The following CEP128 variants were observed in gnomAD, a reference collection of about 807,000 sequenced individuals.
CEP128 encodes centrosomal protein 128.
In CEP128, 132 loss-of-function variants were observed where a neutral mutation model predicts 156.7. That is an observed-to-expected ratio of 0.84 (90% confidence interval 0.73 to 0.97). The LOEUF (loss-of-function observed/expected upper bound fraction) is 0.97. CEP128 is among the 50% of genes least tolerant of loss of function. The probability of loss-of-function intolerance (pLI) is 0.00; values close to 1 mark genes in which losing one functional copy is unlikely to be tolerated. For synonymous variants in CEP128, 469 were observed against 448.9 expected, an observed-to-expected ratio of 1.04 and a Z score of -0.57; for missense variants, 1,252 against 1,281.9, an observed-to-expected ratio of 0.98 and a Z score of 0.36.
At chr14:80,554,320 G>T (rs191067184) in intron 21 of CEP128, among the ~76,000 whole-genome samples, 157 of 152,178 alleles carry the variant, frequency 1.0e-3, no homozygotes, top group African/African-American at 3.7e-3. Context: ...ATGACTAAGG[G>T]TCTAAATTCC....
chr14:80,761,525 G>T lies in CEP128; in HGVS notation c.2465C>A (p.Thr822Asn). Residue 822 changes from threonine (T) to asparagine (N), a missense_variant, in exon 17 of 25, where the codon ACT (threonine) becomes AAT (asparagine). Transcript: ENST00000555265. ...CACACCAAGAATGGATTCCTGTTCA[G>T]TCTCCAAGCAAAGAAGTTGATCCTT... ...QLKDQLLCLE[T>N]EQESILGVIG... 1 of 1,612,616 alleles carries T rather than the reference G, an allele frequency of 6.2e-7. No homozygotes were observed. The highest frequency in any genetic ancestry group is 8.5e-7 in the Non-Finnish European group (1 of 1,178,938).
In CEP128 at chr14:80,755,733, T is replaced by C. The variant is rs562711742; in HGVS notation, c.2613+1159A>G. ...TACTTATAGAGCTGTCCAGTCATAG[T>C]TCATGGGAATTATAGTACTGTAGCC... On this transcript the variant is annotated intron_variant, in intron 18 of 24. Coordinates refer to ENST00000555265, the MANE Select transcript of CEP128 (RefSeq NM_152446.5). 2.0e-5 allele frequency among the ~76,000 whole-genome samples: 3 copies of C among 152,326 alleles called. No homozygotes were observed. The East Asian group carries it at 5.8e-4, about 29-fold the overall frequency.
chr14:80,807,444 G>A (rs952203516), intron 13 of CEP128, among the ~76,000 whole-genome samples: 9 of 152,128 alleles, frequency 5.9e-5, no homozygotes, highest in Non-Finnish European at 1.3e-4. Flanking sequence ...ACCTCAAATA[G>A]AACATCGAGG....
chr14:80,676,673 T>C (rs952384830), intron 19 of CEP128, among the ~76,000 whole-genome samples: 1 of 151,672 alleles, frequency 6.6e-6, no homozygotes, highest in Non-Finnish European at 1.5e-5. Context: ...GTTTCAAAGA[T>C]TTTTTTCCCA....
intron 19 of CEP128, among the ~76,000 whole-genome samples, chr14:80,624,135 G>A (rs770629440): frequency 3.3e-5 from 5 of 151,116 alleles, no homozygotes; most frequent in Non-Finnish European, 7.4e-5. Flanking sequence ...ACAAACTCAA[G>A]TTTTTTTTTA....
chr14:80,538,615 A>C (rs77052784), intron 21 of CEP128, among the ~76,000 whole-genome samples: 7,714 of 152,294 alleles, frequency 0.051, 292 homozygotes, highest in Non-Finnish European at 0.076. Flanking sequence ...CTTCGATCCA[A>C]CTTATTTTTG....
At chr14:80,583,970 C>T (rs1891697005) in intron 19 of CEP128, among the ~76,000 whole-genome samples, 1 of 152,004 alleles carries the variant, frequency 6.6e-6, no homozygotes, top group African/African-American at 2.4e-5. Context: ...AGTACAAAGC[C>T]ACTTCTACAG....
At chr14:80,770,319 C>T (rs888835200) in intron 16 of CEP128, among the ~76,000 whole-genome samples, 4 of 152,202 alleles carry the variant, frequency 2.6e-5, no homozygotes, top group African/African-American at 9.6e-5. Context: ...TGTTCTAATT[C>T]AGAAAGTAGA....
intron 2 of CEP128, among the ~76,000 whole-genome samples, chr14:80,952,676 T>C (rs940521239): frequency 4.0e-5 from 6 of 151,068 alleles, no homozygotes; most frequent in Non-Finnish European, 8.9e-5. Flanking sequence ...ATCAATGAAA[T>C]AGAGCACAAA....
intron 4 of CEP128, among the ~76,000 whole-genome samples, chr14:80,906,410 T>C (rs1883888383): frequency 6.6e-6 from 1 of 152,104 alleles, no homozygotes; most frequent in African/African-American, 2.4e-5. Context: ...CGAAGAAACA[T>C]AACAAGGTCA....
In CEP128 at chr14:80,838,195, T is replaced by A; in HGVS notation, c.924+9A>T. 1 of 1,594,854 alleles carries A rather than the reference T, an allele frequency of 6.3e-7. No individual in the cohort carries two copies. The highest frequency in any genetic ancestry group is 8.6e-7 in the Non-Finnish European group (1 of 1,162,904). On this transcript the variant is annotated intron_variant, in intron 11 of 24. Coordinates refer to ENST00000555265, the MANE Select transcript of CEP128 (RefSeq NM_152446.5). Reference sequence around the variant, plus strand: ...TAAAAGTATATTATAATAACTTGCATAGACTTACCTGATGCAAAAGTGTTT... The same window carrying A: ...TAAAAGTATATTATAATAACTTGCAAAGACTTACCTGATGCAAAAGTGTTT...
chr14:80,711,164 T>A (rs1361519918), intron 19 of CEP128, among the ~76,000 whole-genome samples: 1 of 152,104 alleles, frequency 6.6e-6, no homozygotes, highest in Non-Finnish European at 1.5e-5. Flanking sequence ...TATAACACAA[T>A]GAATTCACTT....
chr14:80,769,350 A>C (rs1276882798), intron 16 of CEP128, among the ~76,000 whole-genome samples: 1 of 151,482 alleles, frequency 6.6e-6, no homozygotes, highest in East Asian at 1.9e-4. Flanking sequence ...ACATATGTAT[A>C]CATGTGCCAT....
At chr14:80,892,360 C>T (rs577888986) in intron 8 of CEP128, among the ~76,000 whole-genome samples, 7 of 151,822 alleles carry the variant, frequency 4.6e-5, no homozygotes, top group African/African-American at 1.4e-4. Flanking sequence ...ATTTCACACA[C>T]AAAAGAATCT....
At chr14:80,703,681 G>A (rs76112038) in intron 19 of CEP128, among the ~76,000 whole-genome samples, 6,631 of 152,062 alleles carry the variant, frequency 0.044, 186 homozygotes, top group South Asian at 0.08. Flanking sequence ...TTCTCCCAAT[G>A]GTGCCATTTT....
chr14:80,897,473 T>A (rs1011953142), intron 7 of CEP128, among the ~76,000 whole-genome samples: 2 of 152,154 alleles, frequency 1.3e-5, no homozygotes, highest in African/African-American at 4.8e-5. Context: ...ATATTTTACT[T>A]TCCATTTGAA....
intron 13 of CEP128, among the ~76,000 whole-genome samples, chr14:80,815,555 C>T (rs1884802684): frequency 6.6e-6 from 1 of 152,204 alleles, no homozygotes; most frequent in South Asian, 2.1e-4. Flanking sequence ...AGCCAGCAAT[C>T]ACACTACTGA....
intron 6 of CEP128, 80 bp from the exon 7 acceptor site, chr14:80,900,109 A>C: frequency 1.1e-6 from 1 of 870,080 alleles, no homozygotes; most frequent in Non-Finnish European, 1.8e-6. Context: ...TAAGAATAAG[A>C]TCTTGTTCCT....
At chr14:80,535,036 G>A (rs1889420896) in intron 21 of CEP128, among the ~76,000 whole-genome samples, 1 of 152,082 alleles carries the variant, frequency 6.6e-6, no homozygotes, top group Admixed American at 6.5e-5. Flanking sequence ...TTATCTCAGA[G>A]GCTAGAAGAG....
Sources: allele counts gnomAD v4.1 joint callset (sites outside exome capture counted in the v4.1 genomes callset), GRCh38; gene constraint gnomAD v4.1.1; transcripts MANE v1.5; gene names NCBI Gene and HGNC (gene_info 2026-07-23, HGNC 2026-07-21).